Variants in SPAG16 observed in about 807,000 individuals in gnomAD.
The protein encoded by SPAG16 is sperm associated antigen 16.
Under a neutral mutation model 80.4 loss-of-function variants are expected in SPAG16, and 86 were observed. The observed-to-expected ratio is 1.07, with a 90% CI of 0.90 to 1.28. SPAG16 has a LOEUF of 1.28. Ranked by LOEUF, SPAG16 falls within the 50% of genes most tolerant of loss-of-function variation. SPAG16 has a pLI of 0.00. For missense variants in SPAG16, 870 were observed against 765.3 expected (o/e 1.14, Z -1.61); for synonymous variants, 294 against 265.9 (o/e 1.11, Z -1.03).
intron 9 of SPAG16, among the ~76,000 whole-genome samples, chr2:213,477,606 C>T (rs2073486466): frequency 6.6e-6 from 1 of 152,118 alleles, no homozygotes; most frequent in African/African-American, 2.4e-5. Context: ...GGCCTGTAGC[C>T]CCTTTGTTTT....
intron 12 of SPAG16, among the ~76,000 whole-genome samples, chr2:213,989,309 C>A (rs1010012266): frequency 2.0e-5 from 3 of 152,058 alleles, no homozygotes; most frequent in Admixed American, 1.3e-4. Flanking sequence ...CCTATGATCA[C>A]CCTTCATTCT....
At chr2:213,892,661 C>A (rs1465470649) in intron 11 of SPAG16, among the ~76,000 whole-genome samples, 1 of 151,902 alleles carries the variant, frequency 6.6e-6, no homozygotes, top group African/African-American at 2.4e-5. Flanking sequence ...AATACATAAG[C>A]TGAAGTAAAA....
At chr2:213,338,821 A>G (rs150343807) in intron 5 of SPAG16, among the ~76,000 whole-genome samples, 51 of 152,274 alleles carry the variant, frequency 3.3e-4, no homozygotes, top group Admixed American at 5.2e-4. Flanking sequence ...ATCAAAACAC[A>G]TGGACACAGG....
intron 15 of SPAG16, among the ~76,000 whole-genome samples, chr2:214,195,930 A>C (rs1162200115): frequency 6.6e-6 from 1 of 152,082 alleles, no homozygotes; most frequent in Admixed American, 6.6e-5. Flanking sequence ...GAGTGATATT[A>C]GTAAAAATGC....
At chr2:214,050,716 A>G (rs1487802061) in intron 13 of SPAG16, among the ~76,000 whole-genome samples, 1 of 152,146 alleles carries the variant, frequency 6.6e-6, no homozygotes, top group Non-Finnish European at 1.5e-5. Flanking sequence ...ATCTATATAC[A>G]GTCAGCCCTT....
intron 9 of SPAG16, among the ~76,000 whole-genome samples, chr2:213,464,154 A>G (rs1293783147): frequency 1.3e-5 from 2 of 152,218 alleles, no homozygotes; most frequent in Non-Finnish European, 2.9e-5. Context: ...TAATCAAATC[A>G]GAGGTTTCTT....
intron 10 of SPAG16, among the ~76,000 whole-genome samples, chr2:213,670,749 G>T (rs1464235758): frequency 2.0e-5 from 3 of 152,224 alleles, no homozygotes; most frequent in South Asian, 4.1e-4. Context: ...CTGCTCTCTT[G>T]TCTGTGTTAT....
At chr2:213,360,061 G>A (rs915552732) in intron 7 of SPAG16, among the ~76,000 whole-genome samples, 6 of 152,162 alleles carry the variant, frequency 3.9e-5, no homozygotes, top group Admixed American at 2.0e-4. Context: ...GCTGTTGAAG[G>A]TGGTAGATTC....
intron 10 of SPAG16, among the ~76,000 whole-genome samples, chr2:213,619,437 T>C (rs961831263): frequency 6.6e-6 from 1 of 152,070 alleles, no homozygotes; most frequent in Non-Finnish European, 1.5e-5. Context: ...ATATCCAGAC[T>C]ATATAAGGAA....
Position 214,321,597 on chromosome 2 carries a change from G to A in SPAG16, c.1721-88543G>A, listed in dbSNP as rs571888955. The stretch of plus-strand genomic sequence containing the variant: ...TTAAAGTTACTATATAGTCAAAAGG[G>A]AATTTCTTGAATTGTAACATTTAAT... On this transcript the variant is annotated intron_variant, in intron 15 of 15. Coordinates refer to ENST00000331683, the MANE Select transcript of SPAG16 (RefSeq NM_024532.5). 1.2e-4 allele frequency among the ~76,000 whole-genome samples: 19 copies of A among 152,190 alleles called. No individual in the cohort carries two copies. The East Asian group carries it at 2.7e-3, about 22-fold the overall frequency.
chr2:213,778,010 AG>A (rs770277777), intron 10 of SPAG16, among the ~76,000 whole-genome samples: 4 of 152,166 alleles, frequency 2.6e-5, no homozygotes, highest in Non-Finnish European at 5.9e-5. Flanking sequence ...TAAATTTCTT[AG>A]GAAAGGTGCT....
At chr2:214,164,049 C>T (rs2056556405) in intron 15 of SPAG16, among the ~76,000 whole-genome samples, 1 of 152,082 alleles carries the variant, frequency 6.6e-6, no homozygotes, top group African/African-American at 2.4e-5. Flanking sequence ...ATAAAATTAA[C>T]CCTCACAATG....
chr2:213,340,252 T>G lies in SPAG16; in HGVS notation c.626T>G (p.Leu209Ter). ...CGAATAGTCCAGGAAAAAAACAAAT[T>G]AATTAATGACCTCAAAGGGTAAGCT... Reference protein sequence around the residue: ...HKRIVQEKNKLINDLKGLKLH... With the variant: ...HKRIVQEKNK The change falls in exon 6 of 16, where the codon TTA becomes TGA. Residue 209 changes from leucine to a stop codon, truncating the protein, a stop_gained. Coordinates refer to ENST00000331683, the MANE Select transcript of SPAG16 (RefSeq NM_024532.5). LOFTEE classifies it high-confidence loss of function. 6.2e-7 allele frequency: 1 copy of G among 1,605,302 alleles called. No individual in the cohort carries two copies. The highest frequency in any genetic ancestry group is 8.5e-7 in the Non-Finnish European group (1 of 1,173,206).
At chr2:213,922,605 G>A (rs1275555397) in intron 11 of SPAG16, among the ~76,000 whole-genome samples, 1 of 152,158 alleles carries the variant, frequency 6.6e-6, no homozygotes, top group Non-Finnish European at 1.5e-5. Context: ...AGGTACTCTG[G>A]CTTTTCAAGT....
At chr2:213,717,492 T>G (rs938069129) in intron 10 of SPAG16, among the ~76,000 whole-genome samples, 33 of 152,170 alleles carry the variant, frequency 2.2e-4, no homozygotes, top group Admixed American at 7.9e-4. Context: ...CAGTGTGAAT[T>G]TAACCACCTG....
At chr2:213,309,987 C>A (rs943309548) in intron 3 of SPAG16, 72 bp from the exon 4 acceptor site, 2 of 940,748 alleles carry the variant, frequency 2.1e-6, no homozygotes, top group Non-Finnish European at 3.2e-6. Flanking sequence ...ATGAATGAGT[C>A]GAAGGCTTAT....
intron 15 of SPAG16, among the ~76,000 whole-genome samples, chr2:214,395,459 T>G (rs1027941568): frequency 6.6e-6 from 1 of 152,218 alleles, no homozygotes; most frequent in Non-Finnish European, 1.5e-5. Context: ...CCTCTTTTCA[T>G]ATGCTTATTC....
At chr2:214,333,994 T>C (rs766936146) in intron 15 of SPAG16, among the ~76,000 whole-genome samples, 8 of 152,226 alleles carry the variant, frequency 5.3e-5, no homozygotes, top group Non-Finnish European at 1.0e-4. Flanking sequence ...TATTGCCAGG[T>C]TGTTAATCCT....
chr2:213,466,293 T>G (rs1298923954), intron 9 of SPAG16, among the ~76,000 whole-genome samples: 1 of 152,202 alleles, frequency 6.6e-6, no homozygotes, highest in Non-Finnish European at 1.5e-5. Context: ...CCCTGACTAA[T>G]ACACCTTCCT....
Sources: allele counts gnomAD v4.1 joint callset (sites outside exome capture counted in the v4.1 genomes callset), GRCh38; gene constraint gnomAD v4.1.1; transcripts MANE v1.5; gene names NCBI Gene and HGNC (gene_info 2026-07-23, HGNC 2026-07-21).